Variants in PPFIBP1 observed in about 807,000 individuals in gnomAD.
PPFIBP1 encodes the protein liprin-beta-1.
PPFIBP1 carries 112 observed loss-of-function variants against 137.8 expected under a neutral mutation model. The observed-to-expected ratio is 0.81, with a 90% CI of 0.70 to 0.95. The LOEUF (loss-of-function observed/expected upper bound fraction) is 0.95, where lower values mean the gene tolerates loss of function less well. Ranked by LOEUF, PPFIBP1 falls within the 40% of genes least tolerant of loss-of-function variation. The pLI, the probability that PPFIBP1 is intolerant of heterozygous loss-of-function variation, is 0.00. For synonymous variants in PPFIBP1, 378 were observed against 417.3 expected (o/e 0.91, Z 1.15); for missense variants, 1,083 against 1,196.6 (o/e 0.91, Z 1.40).
chr12:27,689,284 G>T, intron 27 of PPFIBP1, 81 bp downstream of exon 27: 1 of 1,386,378 alleles, frequency 7.2e-7, no homozygotes, highest in South Asian at 1.5e-5. Flanking sequence ...TCTGTTTTCT[G>T]GGGTTTACTA....
At chr12:27,592,357 G>A (rs2052623167) in intron 2 of PPFIBP1, 3 of 556,752 alleles carry the variant, frequency 5.4e-6, no homozygotes, top group Non-Finnish European at 9.4e-6. Flanking sequence ...TAACAAGAAC[G>A]TTTATTTTGT....
intron 4 of PPFIBP1, chr12:27,636,663 G>A (rs1347120275): frequency 6.6e-6 from 1 of 152,238 alleles, no homozygotes; most frequent in Non-Finnish European, 1.5e-5. Context: ...AGTAATGATG[G>A]TTACATCTGA....
intron 20 of PPFIBP1, 51 bp from the exon 21 acceptor site, chr12:27,679,882 G>A: frequency 6.2e-7 from 1 of 1,605,902 alleles, no homozygotes; most frequent in Non-Finnish European, 8.5e-7. Flanking sequence ...TGATTAACAA[G>A]TCTAAGGCCT....
chr12:27,609,343 T>C (rs977657608), intron 2 of PPFIBP1, among the ~76,000 whole-genome samples: 8 of 152,198 alleles, frequency 5.3e-5, no homozygotes, highest in Admixed American at 4.6e-4. Context: ...CCTCATCTGC[T>C]CATCTTTTCA....
At chr12:27,647,504 C>A (rs2058600742) in intron 5 of PPFIBP1, among the ~76,000 whole-genome samples, 1 of 152,166 alleles carries the variant, frequency 6.6e-6, no homozygotes, top group Admixed American at 6.5e-5. Flanking sequence ...CATTCCTAAT[C>A]TACACGAATT....
At chr12:27,607,050 T>C (rs1459028560) in intron 2 of PPFIBP1, among the ~76,000 whole-genome samples, 3 of 152,210 alleles carry the variant, frequency 2.0e-5, no homozygotes, top group Non-Finnish European at 4.4e-5. Context: ...TCAGCATGCA[T>C]TCCATGTGAT....
chr12:27,569,222 T>C (rs2136613737), intron 1 of PPFIBP1, among the ~76,000 whole-genome samples: 1 of 152,362 alleles, frequency 6.6e-6, no homozygotes, highest in East Asian at 1.9e-4. Flanking sequence ...TGAACCTTTT[T>C]CATCAGGGTA....
rs2056655913 is a variant in PPFIBP1, at chr12:27,624,707, T to TA, written c.-35-8654dup. ...ATACGCCCTCTTTTGTACTCTGCCT[T>TA]ACAATCCTCTGTGAGTGGCTGTTCC... is the stretch of plus-strand genomic sequence containing the variant. On this transcript the variant is annotated intron_variant, in intron 2 of 29. Transcript: ENST00000228425. Among the ~76,000 whole-genome samples the TA allele has an allele frequency of 3.3e-5, 5 of 152,364 alleles. No homozygotes were observed. The South Asian group carries it at 1.0e-3, about 32-fold the overall frequency.
intron 1 of PPFIBP1, among the ~76,000 whole-genome samples, chr12:27,569,387 A>G (rs1211104555): frequency 1.3e-5 from 2 of 152,140 alleles, no homozygotes; most frequent in African/African-American, 4.8e-5. Context: ...TTGTATGGCT[A>G]TACATAAATA....
rs542200146 is a variant in PPFIBP1 at position 27,604,039 on chromosome 12, CA to C, written c.-36+25804del. On this transcript the variant is annotated intron_variant, in intron 2 of 29. Coordinates refer to ENST00000228425, the MANE Select transcript of PPFIBP1 (RefSeq NM_003622.4). ...CTTAAAGGACTAGAAGTCAAGTGAT[CA>C]AAATGTGAAGACCTTTGTTCTAGTT... Among the ~76,000 whole-genome samples the C allele has an allele frequency of 3.8e-3, 571 of 152,212 alleles. 2 individuals are homozygous for C. The highest frequency in any genetic ancestry group is 0.013 in the African/African-American group (543 of 41,544).
chr12:27,623,802 C>T (rs1226505418), intron 2 of PPFIBP1, among the ~76,000 whole-genome samples: 1 of 152,144 alleles, frequency 6.6e-6, no homozygotes, highest in Non-Finnish European at 1.5e-5. Context: ...TCAGCCAAAA[C>T]AGGGCATATG....
chr12:27,667,367 T>C, intron 13 of PPFIBP1, 47 bp downstream of exon 13: 2 of 1,471,052 alleles, frequency 1.4e-6, no homozygotes, highest in Non-Finnish European at 1.8e-6. Flanking sequence ...GAGACTGTGT[T>C]ACTGAAAAGT....
At chr12:27,612,926 ACATCATCATCATCATCATCATCAT>A (rs71039826) in intron 2 of PPFIBP1, among the ~76,000 whole-genome samples, 3 of 148,902 alleles carry the variant, frequency 2.0e-5, no homozygotes, top group Non-Finnish European at 3.0e-5. Flanking sequence ...TAGATAATAC[ACATCATCATCATCATCATCATCAT>A]CATCATCATC....
At chr12:27,557,693 C>T (rs532556016) in intron 1 of PPFIBP1, among the ~76,000 whole-genome samples, 4 of 152,178 alleles carry the variant, frequency 2.6e-5, no homozygotes, top group Non-Finnish European at 5.9e-5. Flanking sequence ...CTTTTATACT[C>T]ATGGTATTTT....
At chr12:27,678,874 A>AAAAAAAAC in intron 19 of PPFIBP1, among the ~76,000 whole-genome samples, 2 of 145,180 alleles carry the variant, frequency 1.4e-5, no homozygotes, top group Admixed American at 1.4e-4. Flanking sequence ...AAAAAAAAAA[A>AAAAAAAAC]AAAAAAACAT....
At chr12:27,610,313 A>G (rs1467977418) in intron 2 of PPFIBP1, among the ~76,000 whole-genome samples, 1 of 152,164 alleles carries the variant, frequency 6.6e-6, no homozygotes, top group African/African-American at 2.4e-5. Flanking sequence ...CATGACTAGG[A>G]TGACATTGTA....
intron 17 of PPFIBP1, 117 bp from the exon 18 acceptor site, chr12:27,676,311 A>T: frequency 1.3e-6 from 1 of 742,006 alleles, no homozygotes; most frequent in Non-Finnish European, 2.0e-6. Context: ...GTATTAGTTC[A>T]GTTATTCTTT....
At chr12:27,625,900 G>A (rs1056538925) in intron 2 of PPFIBP1, among the ~76,000 whole-genome samples, 4 of 151,986 alleles carry the variant, frequency 2.6e-5, no homozygotes, top group African/African-American at 7.2e-5. Context: ...ACAGTTTGAA[G>A]CCTCCTCAGG....
intron 1 of PPFIBP1, among the ~76,000 whole-genome samples, chr12:27,536,151 G>C (rs1274525492): frequency 6.6e-6 from 1 of 152,178 alleles, no homozygotes. Flanking sequence ...CACTTACCTT[G>C]CACTCGCTTG....
Sources: allele counts gnomAD v4.1 joint callset (sites outside exome capture counted in the v4.1 genomes callset), GRCh38; gene constraint gnomAD v4.1.1; transcripts MANE v1.5; gene names NCBI Gene and HGNC (gene_info 2026-07-23, HGNC 2026-07-21).